Variants in HMCN1 observed in about 807,000 individuals in gnomAD.
HMCN1 encodes the protein hemicentin 1.
HMCN1 carries 321 observed loss-of-function variants against 625.9 expected under a neutral mutation model. That is an observed-to-expected ratio of 0.51 (90% CI 0.47 to 0.56). The LOEUF (loss-of-function observed/expected upper bound fraction) is 0.56. Ranked by LOEUF, HMCN1 falls within the 20% of genes least tolerant of loss-of-function variation. The probability of loss-of-function intolerance (pLI) is 0.00; values close to 1 mark genes in which losing one functional copy is unlikely to be tolerated. For synonymous variants in HMCN1, 2,425 were observed against 2,417.6 expected (o/e 1.00, Z -0.09); for missense variants, 6,588 against 6,887.3 (o/e 0.96, Z 1.54).
Position 186,093,758 on chromosome 1 carries a change from T to A in HMCN1, c.10196+89T>A, listed in dbSNP as rs2102418390. The A allele has an allele frequency of 3.2e-6, 5 of 1,560,454 alleles. No individual in the cohort carries two copies. In the South Asian group the frequency reaches 5.6e-5, roughly 18 times the overall value. ...TCATTTAAACAGTGTTGAAGAAATGTTTTTTTCTAAGCCTTTACAGTTTTT... is the reference window on the plus strand; with the variant it reads ...TCATTTAAACAGTGTTGAAGAAATGATTTTTTCTAAGCCTTTACAGTTTTT... On this transcript the variant is annotated intron_variant, in intron 66 of 106. Transcript: ENST00000271588.
intron 22 of HMCN1, 108 bp from the exon 23 acceptor site, chr1:185,993,074 G>T (rs1199007206): frequency 8.3e-6 from 9 of 1,079,386 alleles, no homozygotes; most frequent in Non-Finnish European, 1.3e-5. Context: ...TGGGAAAATG[G>T]TTTAAAAAAC....
rs1262876609 is a variant in HMCN1, at chr1:185,909,519, T to A, written c.793+11T>A. Reference sequence around the variant, plus strand: ...TTCGCAATCCTTTAGGTGAGATATATCAAACATCACATAATAAAATACAAA... The same window carrying A: ...TTCGCAATCCTTTAGGTGAGATATAACAAACATCACATAATAAAATACAAA... On this transcript the variant is annotated intron_variant, in intron 5 of 106. Transcript: ENST00000271588. The A allele has an allele frequency of 6.2e-7, 1 of 1,607,650 alleles. No individual in the cohort carries two copies. Among genetic ancestry groups the A allele is most frequent in the African/African-American group, 1.3e-5 (1 of 74,740 alleles).
intron 45 of HMCN1, among the ~76,000 whole-genome samples, chr1:186,057,001 G>A (rs1657373170): frequency 6.7e-6 from 1 of 149,252 alleles, no homozygotes. Context: ...TAAGATTGAG[G>A]AAGAAGTGAC....
At chr1:186,173,697 A>G (rs1257533159) in intron 102 of HMCN1, among the ~76,000 whole-genome samples, 1 of 151,868 alleles carries the variant, frequency 6.6e-6, no homozygotes, top group Admixed American at 6.6e-5. Flanking sequence ...TCAGAGCATC[A>G]TGTACAGTTA....
rs187716289 is a variant in HMCN1, at chr1:185,893,604, G to C, written c.622-15733G>C. Among the ~76,000 whole-genome samples, 31 of 151,850 alleles carry C rather than the reference G, an allele frequency of 2.0e-4. No individual in the cohort carries two copies. In the East Asian group the frequency reaches 5.8e-3, roughly 28 times the overall value. On this transcript the variant is annotated intron_variant, in intron 4 of 106. Coordinates refer to ENST00000271588, the MANE Select transcript of HMCN1 (RefSeq NM_031935.3). The stretch of plus-strand genomic sequence containing the variant: ...TTGTAAATTTTGCTACCACGGAAAC[G>C]TTTTTTTTCCATCTTACTCCCTTAG...
At chr1:186,161,790 G>A (rs1285419526) in intron 97 of HMCN1, among the ~76,000 whole-genome samples, 22 of 152,190 alleles carry the variant, frequency 1.4e-4, no homozygotes, top group Non-Finnish European at 2.2e-4. Flanking sequence ...TGAGAGATCC[G>A]CTGTTAGTCT....
At chr1:186,070,866 T>C in intron 52 of HMCN1, 109 bp downstream of exon 52, 1 of 1,130,918 alleles carries the variant, frequency 8.8e-7, no homozygotes. Context: ...AATGTGATCT[T>C]AAAACTAGCA....
intron 36 of HMCN1, among the ~76,000 whole-genome samples, chr1:186,029,965 C>G (rs1250231403): frequency 6.6e-6 from 1 of 151,998 alleles, no homozygotes; most frequent in Non-Finnish European, 1.5e-5. Context: ...GTGATTTCTT[C>G]TCTGACCAAT....
intron 55 of HMCN1, among the ~76,000 whole-genome samples, chr1:186,078,916 A>T (rs1658995806): frequency 6.6e-6 from 1 of 152,230 alleles, no homozygotes; most frequent in African/African-American, 2.4e-5. Flanking sequence ...TAGATTTTAA[A>T]GTTCATGAGA....
chr1:185,962,534 T>C lies in HMCN1; in HGVS notation c.1845T>C (p.Thr615=). The C allele has an allele frequency of 6.2e-7, 1 of 1,613,402 alleles. No individual in the cohort carries two copies. The highest frequency in any genetic ancestry group is 8.5e-7 in the Non-Finnish European group (1 of 1,179,410). ...FLTVQEPPKV[T]VMPKNQSFTG... ...TATTTGCAGAACCACCCAAAGTCAC[T>C]GTGATGCCCAAGAATCAGTCTTTCA... The change falls in exon 12 of 107, where the codon ACT becomes ACC. Residue 615 remains threonine (T), a synonymous_variant. Transcript: ENST00000271588.
At chr1:185,867,409 T>C (rs1663326728) in intron 4 of HMCN1, among the ~76,000 whole-genome samples, 1 of 152,182 alleles carries the variant, frequency 6.6e-6, no homozygotes, top group South Asian at 2.1e-4. Flanking sequence ...TACACTGTAC[T>C]TGAACCTAAA....
At chr1:185,898,389 C>G (rs1665607479) in intron 4 of HMCN1, among the ~76,000 whole-genome samples, 1 of 152,148 alleles carries the variant, frequency 6.6e-6, no homozygotes, top group South Asian at 2.1e-4. Context: ...GATCAGAACC[C>G]TGTCTATTGT....
At chr1:185,809,656 C>A (rs754603695) in intron 1 of HMCN1, among the ~76,000 whole-genome samples, 27 of 151,936 alleles carry the variant, frequency 1.8e-4, no homozygotes, top group Non-Finnish European at 2.9e-4. Context: ...TAAGTAGTAT[C>A]TTAACACACT....
At chr1:186,050,395 G>T (rs182261717) in intron 42 of HMCN1, among the ~76,000 whole-genome samples, 1 of 151,826 alleles carries the variant, frequency 6.6e-6, no homozygotes, top group African/African-American at 2.4e-5. Context: ...AAGAGTACGC[G>T]ATAGGATGGC....
intron 69 of HMCN1, among the ~76,000 whole-genome samples, chr1:186,106,297 T>C (rs1660605056): frequency 6.6e-6 from 1 of 152,156 alleles, no homozygotes; most frequent in African/African-American, 2.4e-5. Context: ...ATGGAAACCA[T>C]GCTTGGTGAT....
chr1:186,058,982 CTT>C (rs1657517141), intron 46 of HMCN1, among the ~76,000 whole-genome samples: 1 of 152,006 alleles, frequency 6.6e-6, no homozygotes, highest in African/African-American at 2.4e-5. Context: ...ACTTTGCTAA[CTT>C]CAGTTTGATA....
At chr1:185,913,068 G>A (rs1214342554) in intron 6 of HMCN1, among the ~76,000 whole-genome samples, 1 of 151,852 alleles carries the variant, frequency 6.6e-6, no homozygotes, top group Non-Finnish European at 1.5e-5. Context: ...AAGAATGAAT[G>A]TTTACCTTGT....
rs748211677 is a variant in HMCN1, at chr1:185,922,514, A to T, written c.1021+15A>T. On this transcript the variant is annotated intron_variant, in intron 7 of 106. Coordinates refer to ENST00000271588, the MANE Select transcript of HMCN1 (RefSeq NM_031935.3). ...ACCAGTGCAAGGTTTGTATGTGCATATTATTTAAATTGACATAATAGATAT... is the reference window on the plus strand; with the variant it reads ...ACCAGTGCAAGGTTTGTATGTGCATTTTATTTAAATTGACATAATAGATAT... 5.6e-6 allele frequency: 9 copies of T among 1,593,992 alleles called. No homozygotes were observed. Among genetic ancestry groups the T allele is most frequent in the Middle Eastern group, 1.7e-4 (1 of 6,032 alleles).
At chr1:185,952,415 C>A (rs895880735) in intron 11 of HMCN1, among the ~76,000 whole-genome samples, 2 of 151,292 alleles carry the variant, frequency 1.3e-5, no homozygotes, top group African/African-American at 4.9e-5. Flanking sequence ...AAAGACTCAG[C>A]GACGCTTGGG....
Sources: allele counts gnomAD v4.1 joint callset (sites outside exome capture counted in the v4.1 genomes callset), GRCh38; gene constraint gnomAD v4.1.1; transcripts MANE v1.5; gene names NCBI Gene and HGNC (gene_info 2026-07-23, HGNC 2026-07-21).